ZNF722: variants seen among roughly 807,000 people sequenced by gnomAD.
The protein encoded by ZNF722 is zinc finger protein 479 pseudogene.
At chr7:64,001,627 G>T in the ZNF722 span, among the ~76,000 whole-genome samples, 1 of 152,108 alleles carries the variant, frequency 6.6e-6, no homozygotes, top group Admixed American at 6.6e-5. Flanking sequence ...ATTCAGAATG[G>T]TAATTCTGTT....
the ZNF722 span, among the ~76,000 whole-genome samples, chr7:64,007,239 T>TATATATATAC: frequency 6.8e-6 from 1 of 147,812 alleles, no homozygotes; most frequent in African/African-American, 2.5e-5. Context: ...TGTATATATA[T>TATATATATAC]ATATATATAT....
the ZNF722 span, among the ~76,000 whole-genome samples, chr7:64,003,329 G>A: frequency 3.1e-3 from 479 of 152,298 alleles, 4 homozygotes; most frequent in African/African-American, 0.011. Flanking sequence ...CAACAAAAAT[G>A]GGTGAATGTT....
chr7:63,999,673 A>G, the ZNF722 span, among the ~76,000 whole-genome samples: 388 of 152,252 alleles, frequency 2.5e-3, 1 homozygote, highest in African/African-American at 8.9e-3. Flanking sequence ...TTTTTTCTTC[A>G]ATATAATAAT....
At chr7:64,007,120 T>C in the ZNF722 span, among the ~76,000 whole-genome samples, 1 of 151,476 alleles carries the variant, frequency 6.6e-6, no homozygotes, top group Admixed American at 6.6e-5. Context: ...CCATTCTAAC[T>C]GATGTAAGGT....
At chr7:64,007,474 G>A in the ZNF722 span, among the ~76,000 whole-genome samples, 359 of 152,134 alleles carry the variant, frequency 2.4e-3, 1 homozygote, top group African/African-American at 7.9e-3. Flanking sequence ...TCCCACCTAT[G>A]AGTGAGAACA....
the ZNF722 span, among the ~76,000 whole-genome samples, chr7:64,016,803 A>G: frequency 6.6e-6 from 1 of 152,150 alleles, no homozygotes; most frequent in African/African-American, 2.4e-5. Flanking sequence ...ATTTAACCAT[A>G]CCTCAAACTT....
the ZNF722 span, among the ~76,000 whole-genome samples, chr7:64,008,670 G>T: frequency 6.6e-6 from 1 of 152,176 alleles, no homozygotes; most frequent in Admixed American, 6.5e-5. Context: ...TTTGAAGTCA[G>T]GTAGTGTGAT....
At chr7:64,000,817 G>A in the ZNF722 span, among the ~76,000 whole-genome samples, 9 of 149,626 alleles carry the variant, frequency 6.0e-5, no homozygotes, top group African/African-American at 2.0e-4. Context: ...CTCACTCTCC[G>A]CCCAGGCTGG....
the ZNF722 span, among the ~76,000 whole-genome samples, chr7:64,011,244 T>G: frequency 6.6e-6 from 1 of 152,194 alleles, no homozygotes; most frequent in Non-Finnish European, 1.5e-5. Flanking sequence ...ATTTGGCTTA[T>G]TTACATTTAA....
the ZNF722 span, among the ~76,000 whole-genome samples, chr7:64,014,831 T>C: frequency 1.3e-5 from 2 of 152,202 alleles, no homozygotes; most frequent in African/African-American, 4.8e-5. Context: ...CACACACTTA[T>C]TCTATAAATT....
chr7:64,012,177 C>CT, the ZNF722 span, among the ~76,000 whole-genome samples: 1 of 152,092 alleles, frequency 6.6e-6, no homozygotes, highest in Admixed American at 6.6e-5. Flanking sequence ...TTCATCTAAT[C>CT]TTTTTTCAAG....
chr7:64,005,224 G>A, the ZNF722 span, among the ~76,000 whole-genome samples: 18 of 151,844 alleles, frequency 1.2e-4, no homozygotes, highest in African/African-American at 4.4e-4. Flanking sequence ...GATTGAACCC[G>A]GGAGGTGGAG....
chr7:64,000,130 T>TTTG, the ZNF722 span, among the ~76,000 whole-genome samples: 1 of 140,556 alleles, frequency 7.1e-6, no homozygotes, highest in Non-Finnish European at 1.5e-5. Flanking sequence ...TTTTTTTTTT[T>TTTG]TTTGTGTGTG....
chr7:64,007,230 G>GTGTATATATATATATATATATATATA, the ZNF722 span, among the ~76,000 whole-genome samples: 8 of 138,484 alleles, frequency 5.8e-5, no homozygotes, highest in East Asian at 4.1e-4. Context: ...GTTTGTGTGT[G>GTGTATATATATATATATATATATATA]TATATATATA....
chr7:64,015,857 G>A, the ZNF722 span: 2 of 1,589,984 alleles, frequency 1.3e-6, no homozygotes, highest in South Asian at 1.1e-5. Flanking sequence ...CTTTTAAGAG[G>A]CATTCAAGTC....
the ZNF722 span, among the ~76,000 whole-genome samples, chr7:64,009,675 TTCA>T: frequency 6.6e-6 from 1 of 152,220 alleles, no homozygotes; most frequent in Non-Finnish European, 1.5e-5. Context: ...CGCATCGATG[TTCA>T]TCAGGGATAT....
the ZNF722 span, among the ~76,000 whole-genome samples, chr7:64,017,815 A>G: frequency 0.014 from 2,070 of 152,298 alleles, 19 homozygotes; most frequent in Non-Finnish European, 0.023. Context: ...ATTTCAAAGA[A>G]GTAGTTTTTT....
chr7:64,004,419 A>AAG, the ZNF722 span, among the ~76,000 whole-genome samples: 1 of 71,868 alleles, frequency 1.4e-5, no homozygotes, highest in Non-Finnish European at 2.6e-5. Context: ...TTAAAAAAAA[A>AAG]AAAAAAATAT....
At chr7:64,008,257 A>G in the ZNF722 span, among the ~76,000 whole-genome samples, 2 of 151,998 alleles carry the variant, frequency 1.3e-5, no homozygotes, top group Admixed American at 6.6e-5. Flanking sequence ...ATTAGGTCCC[A>G]TTTGTCCATT....
Sources: gnomAD v4.1 joint callset for allele counts (sites outside exome capture counted in the v4.1 genomes callset) on GRCh38, gnomAD v4.1.1 for gene constraint, MANE v1.5 for transcripts, NCBI Gene and HGNC (gene_info 2026-07-23, HGNC 2026-07-21) for gene names.